Variants in PC observed in about 807,000 individuals in gnomAD.
The protein encoded by PC is pyruvate carboxylase, also known as pyruvate carboxylase, mitochondrial.
PC carries 46 observed loss-of-function variants against 107.8 expected under a neutral mutation model. That is an observed-to-expected ratio of 0.43 (90% confidence interval 0.34 to 0.55). The LOEUF is 0.55. Ranked by LOEUF, PC falls within the 20% of genes least tolerant of loss-of-function variation. PC has a pLI of 0.04. For synonymous variants in PC, 662 were observed against 684.7 expected, an observed-to-expected ratio of 0.97 and a Z score of 0.52; for missense variants, 1,241 against 1,643.1, an observed-to-expected ratio of 0.76 and a Z score of 4.23.
chr11:66,871,444 AC>A lies in PC; in HGVS notation c.357del (p.Phe120SerfsTer85). On this transcript the variant is annotated frameshift_variant, in exon 6 of 23. Coordinates refer to ENST00000393960, the MANE Select transcript of PC (RefSeq NM_001040716.2). LOFTEE classifies it high-confidence loss of function. The surrounding 1 kb of genome is among the most constrained non-coding windows in gnomAD (Gnocchi z 7.4). ...GCGAAGTCCGCTCGCTCAGAGAGGA[AC>A]CCGTAGCCAGGGTGCACTGCATCTA... ...NNVDAVHPGY[G>X]FLSERADFAQ... 6.2e-7 allele frequency: 1 copy of A among 1,613,452 alleles called. No individual in the cohort carries two copies. Among genetic ancestry groups the A allele is most frequent in the Non-Finnish European group, 8.5e-7 (1 of 1,180,026 alleles).
chr11:66,860,227 A>C lies in PC; in HGVS notation c.1368+3547T>G, dbSNP rs781368846. 8.8e-5 allele frequency: 135 copies of C among 1,539,762 alleles called. No individual in the cohort carries two copies. The African/African-American group carries it at 1.8e-3, about 20-fold the overall frequency. On this transcript the variant is annotated intron_variant, in intron 12 of 22. Coordinates refer to ENST00000393960, the MANE Select transcript of PC (RefSeq NM_001040716.2). Reference sequence around the variant, plus strand: ...GGCAGCTTCCTGTGTGCTCCAAGGGATGAGCCTCGTGGGGCAGAGGGCCCG... The same window carrying C: ...GGCAGCTTCCTGTGTGCTCCAAGGGCTGAGCCTCGTGGGGCAGAGGGCCCG...
In PC at chr11:66,954,358, T is replaced by C. The variant is rs893578854; in HGVS notation, c.-149A>G. ...TCGGTAAGTAAGAGGAAATGGTTTA[T>C]TCTTTTGGCCATTTCCCATCTTCCA... is the stretch of plus-strand genomic sequence containing the variant. On this transcript the variant is annotated 5_prime_UTR_variant, in exon 2 of 23. Coordinates refer to ENST00000393960, the MANE Select transcript of PC (RefSeq NM_001040716.2). 3.9e-5 allele frequency: 6 copies of C among 152,264 alleles called. No individual in the cohort carries two copies. The highest frequency in any genetic ancestry group is 1.4e-4 in the African/African-American group (6 of 41,472). The allele number at this position is 152,264 out of a possible 1,614,324, so 9.4% of individuals were successfully genotyped here. A position where few individuals can be genotyped will look rare whatever the true frequency, so the allele number is the denominator to read the frequency against.
intron 3 of PC, among the ~76,000 whole-genome samples, chr11:66,912,306 C>T (rs1026403984): frequency 2.0e-5 from 3 of 152,204 alleles, no homozygotes; most frequent in Non-Finnish European, 4.4e-5. Flanking sequence ...TTATGGAAAT[C>T]CTTTTGACTC....
At chr11:66,864,071 G>A (rs1268474308) in intron 11 of PC, 115 bp from the exon 12 acceptor site, 3 of 993,866 alleles carry the variant, frequency 3.0e-6, no homozygotes, top group Admixed American at 3.7e-5. Flanking sequence ...AGAGCGTGGG[G>A]TGTCTGCAGG....
At chr11:66,872,206 G>A (rs1180536502) in intron 3 of PC, 47 bp from the exon 4 acceptor site, 1 of 1,556,544 alleles carries the variant, frequency 6.4e-7, no homozygotes, top group Non-Finnish European at 8.7e-7. Context: ...TCAGCACTGA[G>A]GCTCCTCAGA....
In PC at chr11:66,857,801, G is replaced by C; in HGVS notation, c.1369-4418C>G. The C allele has an allele frequency of 6.2e-7, 1 of 1,600,028 alleles. No homozygotes were observed. Among genetic ancestry groups the C allele is most frequent in the Non-Finnish European group, 8.5e-7 (1 of 1,179,198 alleles). ...CCAGTGGAGCGGCCGCCTGCCCGCT[G>C]CCCTGCGTCTGCCAGAACCTGTCCG... On this transcript the variant is annotated intron_variant, in intron 12 of 22. Coordinates refer to ENST00000393960, the MANE Select transcript of PC (RefSeq NM_001040716.2). The surrounding 1 kb of genome is among the most constrained non-coding windows in gnomAD (Gnocchi z 7.1).
chr11:66,889,533 G>A (rs1040067686), intron 3 of PC, among the ~76,000 whole-genome samples: 1 of 151,996 alleles, frequency 6.6e-6, no homozygotes, highest in Non-Finnish European at 1.5e-5. Context: ...ACCACGCCCA[G>A]CTAATATTTT....
chr11:66,888,968 G>C lies in PC; in HGVS notation c.1-16809C>G, dbSNP rs540947498. 1.1e-4 allele frequency among the ~76,000 whole-genome samples: 16 copies of C among 152,256 alleles called. No individual in the cohort carries two copies. The East Asian group carries it at 2.7e-3, about 26-fold the overall frequency. ...GCATGCCTGTAATCCCAGCTACTCA[G>C]GACGCTGAGGCAGGAGAATCGCTTG... On this transcript the variant is annotated intron_variant, in intron 3 of 22. Transcript: ENST00000393960.
In PC at chr11:66,859,714, C is replaced by T. The variant is rs781048578; in HGVS notation, c.1368+4060G>A. 1.2e-6 allele frequency: 2 copies of T among 1,612,134 alleles called. No individual in the cohort carries two copies. The highest frequency in any genetic ancestry group is 8.5e-7 in the Non-Finnish European group (1 of 1,179,558). ...GCTGACTATGACCTCTGCCTGCTGG[C>T]CTTGTCACCGGCCGCTGGGCCCTCT... On this transcript the variant is annotated intron_variant, in intron 12 of 22. Transcript: ENST00000393960.
At chr11:66,905,416 G>A (rs1480609830) in intron 3 of PC, among the ~76,000 whole-genome samples, 1 of 152,136 alleles carries the variant, frequency 6.6e-6, no homozygotes, top group Non-Finnish European at 1.5e-5. Flanking sequence ...TCAGGGTCAG[G>A]GGCCAGTGGA....
At chr11:66,948,169 T>C (rs949616583) in intron 3 of PC, among the ~76,000 whole-genome samples, 2 of 150,376 alleles carry the variant, frequency 1.3e-5, no homozygotes, top group South Asian at 2.1e-4. Context: ...ATCACGCCGC[T>C]ATATTCCAGC....
rs528483583 is a variant in PC, at chr11:66,873,426, ATATATAT to A, written c.1-1274_1-1268del. Among the ~76,000 whole-genome samples, 794 of 84,786 alleles carry A rather than the reference ATATATAT, an allele frequency of 9.4e-3. 15 individuals carry two copies. Among genetic ancestry groups the A allele is most frequent in the African/African-American group, 0.039 (731 of 18,612 alleles). 55.6% of individuals were successfully genotyped at this position (84,786 alleles called of 152,430 possible). A position where few individuals can be genotyped will look rare whatever the true frequency, so the allele number is the denominator to read the frequency against. On this transcript the variant is annotated intron_variant, in intron 3 of 22. Transcript: ENST00000393960. ...ATAATATAAATATATATAATATATT[ATATATAT>A]TATATATTATATTATATATAAAATA...
Position 66,857,452 on chromosome 11 carries a change from G to C in PC, c.1369-4069C>G. ...GGGGACGCCTGGGAAAGGAAGTTCCGGGACCCTCCCTGCTCTCGGTCCTCC... is the reference window on the plus strand; with the variant it reads ...GGGGACGCCTGGGAAAGGAAGTTCCCGGACCCTCCCTGCTCTCGGTCCTCC... On this transcript the variant is annotated intron_variant, in intron 12 of 22. Transcript: ENST00000393960. The surrounding 1 kb of genome is among the most constrained non-coding windows in gnomAD (Gnocchi z 7.1). 2.8e-6 allele frequency: 1 copy of C among 363,582 alleles called. No individual in the cohort carries two copies. Among genetic ancestry groups the C allele is most frequent in the Admixed American group, 4.4e-5 (1 of 22,742 alleles). 22.5% of individuals were successfully genotyped at this position (363,582 alleles called of 1,614,324 possible).
At chr11:66,862,226 G>C (rs1946296703) in intron 12 of PC, among the ~76,000 whole-genome samples, 1 of 152,198 alleles carries the variant, frequency 6.6e-6, no homozygotes, top group South Asian at 2.1e-4. Flanking sequence ...GCACGACAGG[G>C]ACCCCCAACA....
chr11:66,853,872 C>G (rs1002462556), intron 12 of PC, among the ~76,000 whole-genome samples: 1 of 152,252 alleles, frequency 6.6e-6, no homozygotes, highest in Non-Finnish European at 1.5e-5. Flanking sequence ...TCCCCAGCTC[C>G]TCACACACCA....
intron 12 of PC, among the ~76,000 whole-genome samples, chr11:66,855,533 A>G (rs1945753262): frequency 6.6e-6 from 1 of 152,152 alleles, no homozygotes; most frequent in South Asian, 2.1e-4. Context: ...TCCTGGCCTC[A>G]AGTGATCCAC....
chr11:66,868,996 C>A lies in PC; in HGVS notation c.904-32G>T, dbSNP rs770201417. 5.9e-6 allele frequency: 9 copies of A among 1,534,110 alleles called. No homozygotes were observed. In the South Asian group the frequency reaches 1.0e-4, roughly 17 times the overall value. ...GGGCGGCCACGTGAGCAGGGGAGGG[C>A]ACAGGCAGGGCCTGGGCAAACTCAC... is the stretch of plus-strand genomic sequence containing the variant. On this transcript the variant is annotated intron_variant, in intron 9 of 22. Coordinates refer to ENST00000393960, the MANE Select transcript of PC (RefSeq NM_001040716.2).
At chr11:66,924,453 A>C (rs954512854) in intron 3 of PC, among the ~76,000 whole-genome samples, 2 of 151,612 alleles carry the variant, frequency 1.3e-5, no homozygotes, top group Admixed American at 6.6e-5. Flanking sequence ...GAAAAAAGTT[A>C]GAAATTAAGG....
chr11:66,873,549 T>TTATAATATTA (rs1219609238), intron 3 of PC, among the ~76,000 whole-genome samples: 1 of 104,160 alleles, frequency 9.6e-6, no homozygotes, highest in Non-Finnish European at 1.8e-5. Context: ...ATATATAATA[T>TTATAATATTA]TATAATATTA....
Sources: allele counts gnomAD v4.1 joint callset (sites outside exome capture counted in the v4.1 genomes callset), GRCh38; gene constraint gnomAD v4.1.1; non-coding constraint Gnocchi (gnomAD v3.1); transcripts MANE v1.5; gene names NCBI Gene and HGNC (gene_info 2026-07-23, HGNC 2026-07-21).